PCDHB7: variants seen among roughly 807,000 people sequenced by gnomAD.
PCDHB7 encodes the protein protocadherin beta-7.
For synonymous variants in PCDHB7, 542 were observed against 463.1 expected (o/e 1.17, Z -2.19); for missense variants, 1,148 against 1,011.6 (o/e 1.13, Z -1.83).
Position 141,174,107 on chromosome 5 carries a change from C to A in PCDHB7, c.1272C>A (p.Thr424=), listed in dbSNP as rs200542676. Residue 424 remains threonine, a synonymous_variant, in exon 1 of 1, where the codon ACC becomes ACA. Transcript: ENST00000231137. ...AGTACAACATCACCATCACCGTCAC[C>A]GACTTGGGGACACCCAGGCTGAAAA... The part of the protein sequence containing the change: ...NTEYNITITV[T]DLGTPRLKTE... The A allele has an allele frequency of 7.4e-6, 12 of 1,614,058 alleles. No homozygotes were observed. Among genetic ancestry groups the A allele is most frequent in the Non-Finnish European group, 1.0e-5 (12 of 1,179,968 alleles).
chr5:141,173,956 A>G lies in PCDHB7; in HGVS notation c.1121A>G (p.Asp374Gly). The G allele has an allele frequency of 6.2e-7, 1 of 1,613,764 alleles. No individual in the cohort carries two copies. Among genetic ancestry groups the G allele is most frequent in the Non-Finnish European group, 8.5e-7 (1 of 1,179,720 alleles). Residue 374 changes from aspartate (D) to glycine (G), a missense_variant, in exon 1 of 1, where the codon GAT becomes GGT. Coordinates refer to ENST00000231137, the MANE Select transcript of PCDHB7 (RefSeq NM_018940.4). ...GCTGTTTTTAGGATTAGAGACAGAGATTCCGGGAACAATGGAAAGACAGTG... is the reference window on the plus strand; with the variant it reads ...GCTGTTTTTAGGATTAGAGACAGAGGTTCCGGGAACAATGGAAAGACAGTG... The part of the protein sequence containing the change: ...VVAVFRIRDR[D>G]SGNNGKTVCS...
chr5:141,175,261 T>A lies in PCDHB7; in HGVS notation c.*44T>A. 1 of 1,538,770 alleles carries A rather than the reference T, an allele frequency of 6.5e-7. No homozygotes were observed. The highest frequency in any genetic ancestry group is 8.8e-7 in the Non-Finnish European group (1 of 1,136,478). The stretch of plus-strand genomic sequence containing the variant: ...TCCGCGTCTGTGAATACGTTTCTGA[T>A]TAGGAACTTATTGCGAGGTTCCCTT... On this transcript the variant is annotated 3_prime_UTR_variant, in exon 1 of 1. Transcript: ENST00000231137.
chr5:141,175,466 G>C lies in PCDHB7; in HGVS notation c.*249G>C. On this transcript the variant is annotated 3_prime_UTR_variant, in exon 1 of 1. Transcript: ENST00000231137. The stretch of plus-strand genomic sequence containing the variant: ...ATACAGTCTATTAAATGTAAGTCTT[G>C]TTTGAGATATTTTAAATTGCTTTCC... 1.9e-6 allele frequency: 1 copy of C among 523,794 alleles called. No homozygotes were observed. The highest frequency in any genetic ancestry group is 3.2e-6 in the Non-Finnish European group (1 of 310,822). 32.4% of individuals were successfully genotyped at this position (523,794 alleles called of 1,614,324 possible).
Position 141,173,271 on chromosome 5 carries a change from A to G in PCDHB7, c.436A>G (p.Thr146Ala), listed in dbSNP as rs147682792. 5.6e-6 allele frequency: 9 copies of G among 1,613,990 alleles called. No individual in the cohort carries two copies. The African/African-American group carries it at 1.1e-4, about 19-fold the overall frequency. The change falls in exon 1 of 1, where the codon ACC (threonine) becomes GCC (alanine). Residue 146 changes from threonine (T) to alanine (A), a missense_variant. Physicochemically the swap from Thr to Ala is moderately conservative, Grantham distance 58 (BLOSUM62 0). Coordinates refer to ENST00000231137, the MANE Select transcript of PCDHB7 (RefSeq NM_018940.4). ...GATTTCCTTGAAAATATTAGAAAGT[A>G]CCACTCCAGGGGCGGCATTTCTCCT... ...REISLKILES[T>A]TPGAAFLLES...
chr5:141,173,918 C>A lies in PCDHB7; in HGVS notation c.1083C>A (p.Pro361=), dbSNP rs1554280086. Reference sequence around the variant, plus strand: ...CTAGCCCAATTGCAGAAAACTCACCCGAGACAGTCGTGGCTGTTTTTAGGA... The same window carrying A: ...CTAGCCCAATTGCAGAAAACTCACCAGAGACAGTCGTGGCTGTTTTTAGGA... ...SLTSPIAENS[P]ETVVAVFRIR... is the part of the protein sequence containing the mutation. The change falls in exon 1 of 1, where the codon CCC becomes CCA. Residue 361 remains proline, a synonymous_variant. Transcript: ENST00000231137. 9 of 1,612,532 alleles carry A rather than the reference C, an allele frequency of 5.6e-6. No individual in the cohort carries two copies. The highest frequency in any genetic ancestry group is 3.3e-5 in the South Asian group (3 of 90,984).
In PCDHB7 at chr5:141,172,803, GAA is replaced by G. The variant is rs2149651780; in HGVS notation, c.-31_-30del. ...TTGTGAGAGCCGCTGGAGGCTGAGTGAAAGTCATTTTGAAAGACTGATCCAAA... is the reference window on the plus strand; with the variant it reads ...TTGTGAGAGCCGCTGGAGGCTGAGTGAGTCATTTTGAAAGACTGATCCAAA... On this transcript the variant is annotated 5_prime_UTR_variant, in exon 1 of 1. Coordinates refer to ENST00000231137, the MANE Select transcript of PCDHB7 (RefSeq NM_018940.4). 1 of 1,569,834 alleles carries G rather than the reference GAA, an allele frequency of 6.4e-7. No individual in the cohort carries two copies. Among genetic ancestry groups the G allele is most frequent in the African/African-American group, 1.4e-5 (1 of 73,796 alleles).
Position 141,174,271 on chromosome 5 carries a change from A to T in PCDHB7, c.1436A>T (p.Asp479Val), listed in dbSNP as rs1563917193. 1 of 1,612,524 alleles carries T rather than the reference A, an allele frequency of 6.2e-7. No homozygotes were observed. The highest frequency in any genetic ancestry group is 1.3e-5 in the African/African-American group (1 of 75,004). Residue 479 changes from aspartate to valine, a missense_variant, in exon 1 of 1, where the codon GAC becomes GTC. Transcript: ENST00000231137. Reference sequence around the variant, plus strand: ...GGCAGTGTCAGCGCCACAGACAGAGACTCGGGCACCAACGCCCAGGTCATC... The same window carrying T: ...GGCAGTGTCAGCGCCACAGACAGAGTCTCGGGCACCAACGCCCAGGTCATC... ...PIGSVSATDR[D>V]SGTNAQVIYS...
Position 141,173,862 on chromosome 5 carries a change from A to G in PCDHB7, c.1027A>G (p.Asn343Asp), listed in dbSNP as rs1483148803. The G allele has an allele frequency of 6.2e-7, 1 of 1,613,900 alleles. No individual in the cohort carries two copies. The highest frequency in any genetic ancestry group is 1.3e-5 in the African/African-American group (1 of 74,912). ...GGTTGATGTAACAGATATAAACGAT[A>G]ATCGACCCGAGCTGCTCCTGTCTTC... Reference protein sequence around the residue: ...VVVDVTDINDNRPELLLSSLT... With the variant: ...VVVDVTDINDDRPELLLSSLT... Residue 343 changes from asparagine (N) to aspartate (D), a missense_variant, in exon 1 of 1, where the codon AAT (asparagine) becomes GAT (aspartate). Coordinates refer to ENST00000231137, the MANE Select transcript of PCDHB7 (RefSeq NM_018940.4).
In PCDHB7 at chr5:141,173,929, T is replaced by C; in HGVS notation, c.1094T>C (p.Val365Ala). Residue 365 changes from valine to alanine, a missense_variant, in exon 1 of 1, where the codon GTG becomes GCG. By Grantham distance (64) the Val-to-Ala change is moderately conservative. Transcript: ENST00000231137. Reference protein sequence around the residue: ...PIAENSPETVVAVFRIRDRDS... With the variant: ...PIAENSPETVAAVFRIRDRDS... Reference sequence around the variant, plus strand: ...GCAGAAAACTCACCCGAGACAGTCGTGGCTGTTTTTAGGATTAGAGACAGA... The same window carrying C: ...GCAGAAAACTCACCCGAGACAGTCGCGGCTGTTTTTAGGATTAGAGACAGA... 1 of 1,612,850 alleles carries C rather than the reference T, an allele frequency of 6.2e-7. No homozygotes were observed. The highest frequency in any genetic ancestry group is 8.5e-7 in the Non-Finnish European group (1 of 1,178,978).
At position 141,175,228 on chromosome 5, in the gene PCDHB7, A is replaced by G; in HGVS notation, c.*11A>G. 1 of 1,588,896 alleles carries G rather than the reference A, an allele frequency of 6.3e-7. No homozygotes were observed. Among genetic ancestry groups the G allele is most frequent in the Non-Finnish European group, 8.6e-7 (1 of 1,168,060 alleles). ...AATTTGGGTTTCTGATAAAGAATGT[A>G]AACTAAATCCGCGTCTGTGAATACG... On this transcript the variant is annotated 3_prime_UTR_variant, in exon 1 of 1. Coordinates refer to ENST00000231137, the MANE Select transcript of PCDHB7 (RefSeq NM_018940.4).
chr5:141,174,854 C>G lies in PCDHB7; in HGVS notation c.2019C>G (p.Leu673=), dbSNP rs782101940. 1 of 1,612,680 alleles carries G rather than the reference C, an allele frequency of 6.2e-7. No individual in the cohort carries two copies. The highest frequency in any genetic ancestry group is 8.5e-7 in the Non-Finnish European group (1 of 1,179,832). Reference sequence around the variant, plus strand: ...GCTTCTCCCAGCCCTACCTGCGGCTCCCGGAGGCGGCCCCGGACCAGGCCA... The same window carrying G: ...GCTTCTCCCAGCCCTACCTGCGGCTGCCGGAGGCGGCCCCGGACCAGGCCA... ...VDGFSQPYLR[L]PEAAPDQANS... The change falls in exon 1 of 1, where the codon CTC becomes CTG. Residue 673 remains leucine (L), a synonymous_variant. Coordinates refer to ENST00000231137, the MANE Select transcript of PCDHB7 (RefSeq NM_018940.4).
Position 141,174,515 on chromosome 5 carries a change from C to G in PCDHB7, c.1680C>G (p.Phe560Leu), listed in dbSNP as rs199671683. ...LVLDANDNSP[F>L]VLYPLQNSSA... Reference sequence around the variant, plus strand: ...TGGACGCCAACGACAACTCGCCCTTCGTGCTGTACCCGCTGCAGAACAGCT... The same window carrying G: ...TGGACGCCAACGACAACTCGCCCTTGGTGCTGTACCCGCTGCAGAACAGCT... The change falls in exon 1 of 1, where the codon TTC (phenylalanine) becomes TTG (leucine). Residue 560 changes from phenylalanine to leucine, a missense_variant. By Grantham distance (22) the Phe-to-Leu change is conservative (BLOSUM62 0). Transcript: ENST00000231137. 3.7e-6 allele frequency: 6 copies of G among 1,610,788 alleles called. No homozygotes were observed. The highest frequency in any genetic ancestry group is 4.2e-6 in the Non-Finnish European group (5 of 1,179,652).
chr5:141,175,372 T>C lies in PCDHB7; in HGVS notation c.*155T>C. 3.4e-6 allele frequency: 3 copies of C among 884,682 alleles called. No individual in the cohort carries two copies. The highest frequency in any genetic ancestry group is 5.1e-6 in the Non-Finnish European group (3 of 591,464). The allele number at this position is 884,682 out of a possible 1,614,324, so 54.8% of individuals were successfully genotyped here. On this transcript the variant is annotated 3_prime_UTR_variant, in exon 1 of 1. Coordinates refer to ENST00000231137, the MANE Select transcript of PCDHB7 (RefSeq NM_018940.4). ...TACATAAAATAGGATCCTGATTTAG[T>C]ATCAAGAACCCTTCACAAAGCATGA... is the stretch of plus-strand genomic sequence containing the variant.
Position 141,174,318 on chromosome 5 carries a change from G to A in PCDHB7, c.1483G>A (p.Asp495Asn). ...QVIYSLLPSQDPHLPLASLVS... is the reference protein window; with the variant it reads ...QVIYSLLPSQNPHLPLASLVS... The stretch of plus-strand genomic sequence containing the variant: ...CATCTACTCCCTGCTGCCGTCCCAG[G>A]ACCCGCACCTGCCCCTCGCCTCCCT... The change falls in exon 1 of 1, where the codon GAC (aspartate) becomes AAC (asparagine). Residue 495 changes from aspartate to asparagine, a missense_variant. Transcript: ENST00000231137. 4 of 1,612,862 alleles carry A rather than the reference G, an allele frequency of 2.5e-6. No homozygotes were observed. The highest frequency in any genetic ancestry group is 1.1e-5 in the South Asian group (1 of 91,018).
Position 141,174,420 on chromosome 5 carries a change from T to G in PCDHB7, c.1585T>G (p.Phe529Val). ...LDYEALQAFE[F>V]RVGATDRGSP... ...CTACGAGGCCCTGCAGGCGTTCGAG[T>G]TCCGCGTGGGCGCCACAGACCGCGG... Residue 529 changes from phenylalanine to valine, a missense_variant, in exon 1 of 1, where the codon TTC (phenylalanine) becomes GTC (valine). Coordinates refer to ENST00000231137, the MANE Select transcript of PCDHB7 (RefSeq NM_018940.4). 6.2e-7 allele frequency: 1 copy of G among 1,612,148 alleles called. No individual in the cohort carries two copies. The highest frequency in any genetic ancestry group is 1.7e-5 in the Admixed American group (1 of 59,908).
Position 141,173,949 on chromosome 5 carries a change from G to C in PCDHB7, c.1114G>C (p.Asp372His), listed in dbSNP as rs781810804. The change falls in exon 1 of 1, where the codon GAC becomes CAC. Residue 372 changes from aspartate to histidine, a missense_variant. Physicochemically the swap from Asp to His is moderately conservative, Grantham distance 81 (BLOSUM62 -1). Coordinates refer to ENST00000231137, the MANE Select transcript of PCDHB7 (RefSeq NM_018940.4). ...ETVVAVFRIR[D>H]RDSGNNGKTV... ...AGTCGTGGCTGTTTTTAGGATTAGA[G>C]ACAGAGATTCCGGGAACAATGGAAA... The C allele has an allele frequency of 1.2e-6, 2 of 1,613,566 alleles. No individual in the cohort carries two copies. The highest frequency in any genetic ancestry group is 8.5e-7 in the Non-Finnish European group (1 of 1,179,708).
chr5:141,174,556 A>T lies in PCDHB7; in HGVS notation c.1721A>T (p.Glu574Val). ...PLQNSSAPCT[E>V]PLPRAAEPGY... Reference sequence around the variant, plus strand: ...CAGAACAGCTCCGCGCCCTGCACCGAGCCGTTGCCCCGGGCGGCCGAGCCG... The same window carrying T: ...CAGAACAGCTCCGCGCCCTGCACCGTGCCGTTGCCCCGGGCGGCCGAGCCG... The change falls in exon 1 of 1, where the codon GAG becomes GTG. Residue 574 changes from glutamate (E) to valine (V), a missense_variant. Coordinates refer to ENST00000231137, the MANE Select transcript of PCDHB7 (RefSeq NM_018940.4). 7 of 1,610,030 alleles carry T rather than the reference A, an allele frequency of 4.3e-6. No individual in the cohort carries two copies. The highest frequency in any genetic ancestry group is 5.9e-6 in the Non-Finnish European group (7 of 1,179,604).
rs1234804244 is a variant in PCDHB7, at chr5:141,174,205, C to T, written c.1370C>T (p.Thr457Ile). ...CCCGCCTTCACCCAAACCTCCTACA[C>T]CCTGTTTGTCCGTGAGAACAACAGC... is the stretch of plus-strand genomic sequence containing the variant. ...NAPAFTQTSY[T>I]LFVRENNSPA... Residue 457 changes from threonine to isoleucine, a missense_variant, in exon 1 of 1, where the codon ACC (threonine) becomes ATC (isoleucine). Thr to Ile is a moderately conservative substitution (Grantham distance 89, BLOSUM62 -1). Coordinates refer to ENST00000231137, the MANE Select transcript of PCDHB7 (RefSeq NM_018940.4). 4.3e-6 allele frequency: 7 copies of T among 1,613,322 alleles called. No individual in the cohort carries two copies. The highest frequency in any genetic ancestry group is 1.1e-5 in the South Asian group (1 of 91,048).
In PCDHB7 at chr5:141,173,843, T is replaced by C. The variant is rs1554280066; in HGVS notation, c.1008T>C (p.Asp336=). The C allele has an allele frequency of 6.2e-7, 1 of 1,614,162 alleles. No homozygotes were observed. The highest frequency in any genetic ancestry group is 8.5e-7 in the Non-Finnish European group (1 of 1,180,014). The part of the protein sequence containing the change: ...GLSGKCTVVV[D]VTDINDNRPE... The stretch of plus-strand genomic sequence containing the variant: ...CTGGAAAATGCACTGTAGTGGTTGA[T>C]GTAACAGATATAAACGATAATCGAC... The change falls in exon 1 of 1, where the codon GAT becomes GAC. Residue 336 remains aspartate, a synonymous_variant. Transcript: ENST00000231137.
Sources: allele counts gnomAD v4.1 joint callset, GRCh38; gene constraint gnomAD v4.1.1; transcripts MANE v1.5; gene names NCBI Gene and HGNC (gene_info 2026-07-23, HGNC 2026-07-21).